Variants in FARSB observed in about 807,000 individuals in gnomAD.
FARSB encodes phenylalanine--tRNA ligase beta subunit.
FARSB carries 40 observed loss-of-function variants against 69.6 expected under a neutral mutation model. The ratio of observed to expected loss-of-function variants is 0.57; its 90% confidence interval spans 0.45 to 0.75. The LOEUF is 0.75. Ranked by LOEUF, FARSB falls within the 30% of genes least tolerant of loss-of-function variation. The pLI is 0.00. For synonymous variants in FARSB, 235 were observed against 247.2 expected (o/e 0.95, Z 0.46); for missense variants, 632 against 722.9 (o/e 0.87, Z 1.44).
chr2:222,604,364 C>T (rs968576187), intron 15 of FARSB, among the ~76,000 whole-genome samples: 1 of 152,002 alleles, frequency 6.6e-6, no homozygotes, highest in African/African-American at 2.4e-5. Flanking sequence ...AGTTTCTAGC[C>T]ATGAAAGTAT....
At chr2:222,576,397 GA>G (rs1227128098) in intron 16 of FARSB, among the ~76,000 whole-genome samples, 3 of 151,924 alleles carry the variant, frequency 2.0e-5, no homozygotes, top group African/African-American at 7.3e-5. Context: ...GGGGGGCAGG[GA>G]ACACTGGAAA....
rs1049351653 is a variant in FARSB, at chr2:222,570,315, G to A, written c.*1556C>T. 2.6e-5 allele frequency among the ~76,000 whole-genome samples: 4 copies of A among 152,078 alleles called. No individual in the cohort carries two copies. Among genetic ancestry groups the A allele is most frequent in the African/African-American group, 9.7e-5 (4 of 41,400 alleles). On this transcript the variant is annotated 3_prime_UTR_variant, in exon 17 of 17. Transcript: ENST00000281828. ...CCTTTTGGCATGCATTATTTTTAGAGGGCATATTTCATTTTTAAAATGTTG... is the reference window on the plus strand; with the variant it reads ...CCTTTTGGCATGCATTATTTTTAGAAGGCATATTTCATTTTTAAAATGTTG...
chr2:222,637,205 A>G (rs1691603855), intron 5 of FARSB, among the ~76,000 whole-genome samples: 1 of 152,196 alleles, frequency 6.6e-6, no homozygotes, highest in African/African-American at 2.4e-5. Context: ...AATAGTTTTT[A>G]TGGCAACTAA....
chr2:222,601,627 A>G (rs1307233016), intron 15 of FARSB, among the ~76,000 whole-genome samples: 1 of 152,180 alleles, frequency 6.6e-6, no homozygotes, highest in Non-Finnish European at 1.5e-5. Context: ...CTACTTTGAA[A>G]ACTAAAACAA....
intron 3 of FARSB, among the ~76,000 whole-genome samples, chr2:222,642,280 C>A (rs1691742036): frequency 6.6e-6 from 1 of 152,214 alleles, no homozygotes; most frequent in African/African-American, 2.4e-5. Flanking sequence ...GGATTATGGG[C>A]ATGAGCCACC....
intron 15 of FARSB, among the ~76,000 whole-genome samples, chr2:222,612,979 A>G (rs1280898310): frequency 6.6e-6 from 1 of 152,260 alleles, no homozygotes; most frequent in Non-Finnish European, 1.5e-5. Flanking sequence ...GTAATGGTGG[A>G]CAGTCACTGC....
chr2:222,642,573 C>A (rs548580696), intron 3 of FARSB, among the ~76,000 whole-genome samples: 2 of 152,336 alleles, frequency 1.3e-5, no homozygotes, highest in African/African-American at 2.4e-5. Flanking sequence ...GAATCACACA[C>A]ACCTGCTAAA....
Position 222,602,329 on chromosome 2 carries a change from A to G in FARSB, c.1463-2246T>C, listed in dbSNP as rs185421789. Among the ~76,000 whole-genome samples, 495 of 152,294 alleles carry G rather than the reference A, an allele frequency of 3.3e-3. 2 individuals are homozygous for G. Among genetic ancestry groups the G allele is most frequent in the African/African-American group, 0.011 (471 of 41,574 alleles). Reference sequence around the variant, plus strand: ...CATCTAAACCTCTCTCAATTTACAAATCTAATGTGATCTTAAAAAAAATAC... The same window carrying G: ...CATCTAAACCTCTCTCAATTTACAAGTCTAATGTGATCTTAAAAAAAATAC... On this transcript the variant is annotated intron_variant, in intron 15 of 16. Coordinates refer to ENST00000281828, the MANE Select transcript of FARSB (RefSeq NM_005687.5).
chr2:222,576,534 A>C (rs1027458755), intron 16 of FARSB, among the ~76,000 whole-genome samples: 1 of 152,182 alleles, frequency 6.6e-6, no homozygotes. Flanking sequence ...AGATATTGTA[A>C]GCCACTGGGC....
chr2:222,653,028 T>C (rs1475214958), intron 1 of FARSB, among the ~76,000 whole-genome samples: 2 of 152,162 alleles, frequency 1.3e-5, no homozygotes, highest in African/African-American at 4.8e-5. Context: ...AACCACACCT[T>C]AGGGGTGTAT....
intron 2 of FARSB, 34 bp from the exon 3 acceptor site, chr2:222,643,039 A>C: frequency 7.3e-7 from 1 of 1,374,106 alleles, no homozygotes; most frequent in Non-Finnish European, 1.0e-6. Flanking sequence ...ATAAAAATTA[A>C]ATAATTTAAA....
intron 14 of FARSB, among the ~76,000 whole-genome samples, chr2:222,616,697 T>C (rs1044930880): frequency 7.2e-5 from 11 of 152,170 alleles, no homozygotes; most frequent in Non-Finnish European, 1.5e-4. Context: ...TTTTACATAT[T>C]TTAGCCAAGT....
At chr2:222,647,994 C>A (rs1691914794) in intron 2 of FARSB, among the ~76,000 whole-genome samples, 1 of 152,130 alleles carries the variant, frequency 6.6e-6, no homozygotes, top group Admixed American at 6.5e-5. Context: ...CCAGATGATG[C>A]TGCTGGCCTG....
intron 2 of FARSB, among the ~76,000 whole-genome samples, chr2:222,646,178 T>C (rs1389508280): frequency 6.6e-6 from 1 of 152,230 alleles, no homozygotes; most frequent in Non-Finnish European, 1.5e-5. Flanking sequence ...TAATCCATCC[T>C]GTACTAAAAT....
At chr2:222,575,286 C>G (rs758081602) in intron 16 of FARSB, among the ~76,000 whole-genome samples, 20 of 152,196 alleles carry the variant, frequency 1.3e-4, no homozygotes, top group Admixed American at 2.0e-4. Context: ...AAATATGAGT[C>G]TAGGCTTGTG....
chr2:222,614,785 G>A (rs1021501315), intron 14 of FARSB, among the ~76,000 whole-genome samples: 1 of 152,082 alleles, frequency 6.6e-6, no homozygotes, highest in African/African-American at 2.4e-5. Context: ...GTTACAATAA[G>A]CTATAATCAT....
chr2:222,575,959 A>G (rs1040031984), intron 16 of FARSB, among the ~76,000 whole-genome samples: 2 of 148,754 alleles, frequency 1.3e-5, no homozygotes, highest in Non-Finnish European at 3.0e-5. Flanking sequence ...CACTTTTCAC[A>G]GTTTCTTTTT....
intron 14 of FARSB, among the ~76,000 whole-genome samples, chr2:222,619,074 G>A (rs1262353633): frequency 3.3e-5 from 5 of 150,878 alleles, no homozygotes; most frequent in African/African-American, 9.7e-5. Context: ...CCCGGGAGGC[G>A]GAGCTTGCAG....
chr2:222,610,309 T>G (rs1477963300), intron 15 of FARSB, among the ~76,000 whole-genome samples: 1 of 152,106 alleles, frequency 6.6e-6, no homozygotes, highest in Non-Finnish European at 1.5e-5. Flanking sequence ...TCAAAAAAGT[T>G]TCATTATTTA....
Sources: allele counts gnomAD v4.1 joint callset (sites outside exome capture counted in the v4.1 genomes callset), GRCh38; gene constraint gnomAD v4.1.1; transcripts MANE v1.5; gene names NCBI Gene and HGNC (gene_info 2026-07-23, HGNC 2026-07-21).